Variants in STARD13 observed in about 807,000 individuals in gnomAD.
The protein encoded by STARD13 is stAR-related lipid transfer protein 13.
Under a neutral mutation model 106.4 loss-of-function variants are expected in STARD13, and 62 were observed. The observed-to-expected ratio is 0.58, with a 90% CI of 0.48 to 0.72. The LOEUF (loss-of-function observed/expected upper bound fraction) is 0.72, where lower values mean the gene tolerates loss of function less well. Ranked by LOEUF, STARD13 falls within the 30% of genes least tolerant of loss-of-function variation. The pLI, the probability that STARD13 is intolerant of heterozygous loss-of-function variation, is 0.00. For synonymous variants in STARD13, 565 were observed against 553.0 expected, an observed-to-expected ratio of 1.02 and a Z score of -0.31; for missense variants, 1,387 against 1,424.0, an observed-to-expected ratio of 0.97 and a Z score of 0.42.
At chr13:33,311,037 C>T (rs1454232887) in intron 1 of STARD13, among the ~76,000 whole-genome samples, 1 of 151,888 alleles carries the variant, frequency 6.6e-6, no homozygotes, top group Non-Finnish European at 1.5e-5. Context: ...TCGCTCACCC[C>T]TTTGATCCCA....
the STARD13 span, among the ~76,000 whole-genome samples, chr13:33,374,826 ACTTTAGT>A: frequency 6.6e-6 from 1 of 152,088 alleles, no homozygotes; most frequent in Non-Finnish European, 1.5e-5. Context: ...TGTTTGTCAA[ACTTTAGT>A]CTTTATACAG....
At chr13:33,610,534 C>T in the STARD13 span, among the ~76,000 whole-genome samples, 1 of 152,242 alleles carries the variant, frequency 6.6e-6, no homozygotes, top group Non-Finnish European at 1.5e-5. Context: ...TGCGCTGAGC[C>T]TCCACGTGTC....
the STARD13 span, among the ~76,000 whole-genome samples, chr13:33,456,152 TCA>T: frequency 6.6e-6 from 1 of 152,150 alleles, no homozygotes; most frequent in Non-Finnish European, 1.5e-5. Flanking sequence ...CATACAAATA[TCA>T]CAGACTGGGT....
intron 1 of STARD13, among the ~76,000 whole-genome samples, chr13:33,338,459 T>C (rs529403072): frequency 1.2e-3 from 185 of 152,282 alleles, no homozygotes; most frequent in African/African-American, 4.4e-3. Context: ...GATGAAATCA[T>C]AGTTGACAGT....
chr13:33,257,583 C>A (rs1278255504), intron 1 of STARD13, among the ~76,000 whole-genome samples: 3 of 151,910 alleles, frequency 2.0e-5, no homozygotes, highest in Admixed American at 2.0e-4. Flanking sequence ...GAGAAGGTGG[C>A]AGGCAGATTT....
the STARD13 span, among the ~76,000 whole-genome samples, chr13:33,659,042 T>C: frequency 6.6e-6 from 1 of 151,982 alleles, no homozygotes; most frequent in Non-Finnish European, 1.5e-5. Context: ...CTTCCTCATA[T>C]CCCTATGCAT....
At position 33,306,687 on chromosome 13, in the gene STARD13, C is replaced by T. The variant is rs141569458; in HGVS notation, c.124+43603G>A. Reference sequence around the variant, plus strand: ...GCAAAGGACTGGGCATGGTGGCTTACGCCTGTAATCACAGAATTTTGGGAG... The same window carrying T: ...GCAAAGGACTGGGCATGGTGGCTTATGCCTGTAATCACAGAATTTTGGGAG... On this transcript the variant is annotated intron_variant, in intron 1 of 5. Coordinates refer to the STARD13 transcript ENST00000567873. Among the ~76,000 whole-genome samples, 340 of 152,298 alleles carry T rather than the reference C, an allele frequency of 2.2e-3. 6 individuals are homozygous for T. The East Asian group carries it at 0.033, about 15-fold the overall frequency.
Position 33,154,164 on chromosome 13 carries a change from G to C in STARD13, c.323+11173C>G, listed in dbSNP as rs116728335. Among the ~76,000 whole-genome samples, 1,256 of 152,256 alleles carry C rather than the reference G, an allele frequency of 8.2e-3. 18 individuals carry two copies. The highest frequency in any genetic ancestry group is 0.028 in the African/African-American group (1,172 of 41,536). Reference sequence around the variant, plus strand: ...ACAGGCCATCCACAGGGAGGGTGTCGGGCGCACTGGGGGCAGGGGGCAGGA... The same window carrying C: ...ACAGGCCATCCACAGGGAGGGTGTCCGGCGCACTGGGGGCAGGGGGCAGGA... On this transcript the variant is annotated intron_variant, in intron 3 of 13. Coordinates refer to ENST00000336934, the MANE Select transcript of STARD13 (RefSeq NM_178006.4).
At chr13:33,548,204 G>C in the STARD13 span, among the ~76,000 whole-genome samples, 1 of 152,136 alleles carries the variant, frequency 6.6e-6, no homozygotes, top group African/African-American at 2.4e-5. Flanking sequence ...AAAAATAAAT[G>C]AGCCAAAGAT....
At chr13:33,268,079 T>C (rs1890987054) in intron 1 of STARD13, among the ~76,000 whole-genome samples, 1 of 152,248 alleles carries the variant, frequency 6.6e-6, no homozygotes, top group African/African-American at 2.4e-5. Flanking sequence ...TTCTGTCAAC[T>C]TCATGCCAGA....
intron 1 of STARD13, among the ~76,000 whole-genome samples, chr13:33,279,054 CATGT>C (rs1891613468): frequency 6.6e-6 from 1 of 152,104 alleles, no homozygotes; most frequent in African/African-American, 2.4e-5. Flanking sequence ...GTGTGCAATG[CATGT>C]TCAGGTTCTC....
At chr13:33,649,482 T>TAAA in the STARD13 span, among the ~76,000 whole-genome samples, 22 of 152,218 alleles carry the variant, frequency 1.4e-4, no homozygotes, top group Non-Finnish European at 2.6e-4. Flanking sequence ...TATGCCTTTT[T>TAAA]AGTGTTTATA....
At chr13:33,611,889 C>T in the STARD13 span, among the ~76,000 whole-genome samples, 170 of 152,232 alleles carry the variant, frequency 1.1e-3, no homozygotes, top group African/African-American at 3.4e-3. Flanking sequence ...CACCAGGGAC[C>T]GCACCACCAT....
chr13:33,254,713 A>G (rs184391221), intron 1 of STARD13, among the ~76,000 whole-genome samples: 2 of 152,170 alleles, frequency 1.3e-5, no homozygotes, highest in South Asian at 2.1e-4. Context: ...AGAAAGAGAG[A>G]AGAGGAGGGA....
chr13:33,167,258 C>A (rs1403149445), intron 2 of STARD13, among the ~76,000 whole-genome samples: 50 of 152,014 alleles, frequency 3.3e-4, no homozygotes, highest in Admixed American at 3.3e-3. Flanking sequence ...GAAGGAAGTG[C>A]AGAAAAGCTG....
chr13:33,346,590 G>C (rs1406571922), downstream of STARD13, among the ~76,000 whole-genome samples: 1 of 152,068 alleles, frequency 6.6e-6, no homozygotes, highest in African/African-American at 2.4e-5. Context: ...GAATGCCCTA[G>C]ATAGCAAATA....
chr13:33,608,992 A>T, the STARD13 span, among the ~76,000 whole-genome samples: 1 of 149,574 alleles, frequency 6.7e-6, no homozygotes, highest in Non-Finnish European at 1.5e-5. Flanking sequence ...AGGCTGAGGC[A>T]GGAGAATGGC....
chr13:33,599,603 A>G, the STARD13 span, among the ~76,000 whole-genome samples: 3 of 152,156 alleles, frequency 2.0e-5, no homozygotes, highest in African/African-American at 7.2e-5. Flanking sequence ...CCAACAGCAA[A>G]TATTTTCCAC....
the STARD13 span, among the ~76,000 whole-genome samples, chr13:33,627,965 C>CTTTTTTTTTTT: frequency 6.8e-5 from 10 of 147,222 alleles, no homozygotes; most frequent in African/African-American, 2.6e-4. Context: ...TCTTTTTTTT[C>CTTTTTTTTTTT]TTTCTTTTTT....
Sources: allele counts gnomAD v4.1 joint callset (sites outside exome capture counted in the v4.1 genomes callset), GRCh38; gene constraint gnomAD v4.1.1; transcripts MANE v1.5; gene names NCBI Gene and HGNC (gene_info 2026-07-23, HGNC 2026-07-21).